Variants in SUGCT observed in about 807,000 individuals in gnomAD.
The protein encoded by SUGCT is succinyl-CoA:glutarate-CoA transferase.
In SUGCT, 41 loss-of-function variants were observed where a neutral mutation model predicts 55.0. That is an observed-to-expected ratio of 0.74 (90% CI 0.58 to 0.97). The LOEUF is 0.97. SUGCT is among the 50% of genes least tolerant of loss of function. The pLI is 0.00. For missense variants in SUGCT, 568 were observed against 547.8 expected, an observed-to-expected ratio of 1.04 and a Z score of -0.37; for synonymous variants, 187 against 200.4, an observed-to-expected ratio of 0.93 and a Z score of 0.56.
At chr7:40,445,140 C>G (rs1788744618) in intron 9 of SUGCT, among the ~76,000 whole-genome samples, 1 of 151,578 alleles carries the variant, frequency 6.6e-6, no homozygotes, top group African/African-American at 2.4e-5. Flanking sequence ...CAAGAAATAA[C>G]TAAGATCAGA....
intron 9 of SUGCT, among the ~76,000 whole-genome samples, chr7:40,390,084 GC>G (rs1785340063): frequency 6.6e-6 from 1 of 152,084 alleles, no homozygotes; most frequent in Non-Finnish European, 1.5e-5. Context: ...AAATTCAACA[GC>G]CCTTCATGCT....
At chr7:40,444,023 A>G (rs1479315261) in intron 9 of SUGCT, among the ~76,000 whole-genome samples, 1 of 152,166 alleles carries the variant, frequency 6.6e-6, no homozygotes, top group Non-Finnish European at 1.5e-5. Context: ...GTCAAAGATC[A>G]GATGGTTGTA....
chr7:41,036,789 C>T, the SUGCT span, among the ~76,000 whole-genome samples: 2 of 152,316 alleles, frequency 1.3e-5, no homozygotes, highest in East Asian at 3.9e-4. Context: ...GCTCTCATAT[C>T]TCTCTCCAAA....
At chr7:40,241,852 A>G (rs966001718) in intron 7 of SUGCT, among the ~76,000 whole-genome samples, 13 of 149,398 alleles carry the variant, frequency 8.7e-5, no homozygotes, top group South Asian at 4.3e-4. Context: ...CCCAGGATGC[A>G]GAGGTTGCAG....
At chr7:40,391,484 G>C (rs1305881013) in intron 9 of SUGCT, among the ~76,000 whole-genome samples, 4 of 152,162 alleles carry the variant, frequency 2.6e-5, no homozygotes, top group African/African-American at 9.7e-5. Flanking sequence ...GATATGAACA[G>C]ACACTTCTCA....
At chr7:40,150,927 T>C (rs2150605623) in intron 1 of SUGCT, among the ~76,000 whole-genome samples, 1 of 152,034 alleles carries the variant, frequency 6.6e-6, no homozygotes, top group Middle Eastern at 3.4e-3. Flanking sequence ...AGAGAAGAGA[T>C]GAAGAGAAAG....
intron 9 of SUGCT, among the ~76,000 whole-genome samples, chr7:40,431,117 CAA>C (rs869159761): frequency 0.24 from 20,506 of 86,424 alleles, 1,432 homozygotes; most frequent in Non-Finnish European, 0.34. Flanking sequence ...GACTTCGTCT[CAA>C]AAAAAAAAAA....
At chr7:40,624,266 C>T (rs1030468976) in intron 12 of SUGCT, among the ~76,000 whole-genome samples, 14 of 152,140 alleles carry the variant, frequency 9.2e-5, no homozygotes, top group African/African-American at 3.4e-4. Flanking sequence ...TCCACCAGGA[C>T]CTTTTTTAGG....
intron 6 of SUGCT, among the ~76,000 whole-genome samples, chr7:40,205,800 T>C (rs903615850): frequency 6.6e-6 from 1 of 152,148 alleles, no homozygotes; most frequent in Non-Finnish European, 1.5e-5. Flanking sequence ...ATTTTTCTGA[T>C]ACTATTGATT....
chr7:40,346,909 T>A (rs918952947), intron 9 of SUGCT, among the ~76,000 whole-genome samples: 37 of 152,318 alleles, frequency 2.4e-4, no homozygotes, highest in Non-Finnish European at 3.2e-4. Flanking sequence ...GGAACGCGAT[T>A]CTCGGACTTG....
At chr7:40,482,132 G>C (rs79657589) in intron 11 of SUGCT, among the ~76,000 whole-genome samples, 2,829 of 152,246 alleles carry the variant, frequency 0.019, 86 homozygotes, top group African/African-American at 0.064. Context: ...GTATAGAGCT[G>C]TATCTGCAAT....
intron 11 of SUGCT, among the ~76,000 whole-genome samples, chr7:40,467,514 G>T (rs971085479): frequency 6.6e-6 from 1 of 152,142 alleles, no homozygotes; most frequent in Non-Finnish European, 1.5e-5. Flanking sequence ...CTACTCTGTT[G>T]TGCTAGCAAA....
At chr7:40,469,457 C>T (rs1790293619) in intron 11 of SUGCT, among the ~76,000 whole-genome samples, 1 of 152,156 alleles carries the variant, frequency 6.6e-6, no homozygotes, top group African/African-American at 2.4e-5. Context: ...GGTACATTTT[C>T]TGAATGTTGG....
intron 12 of SUGCT, among the ~76,000 whole-genome samples, chr7:40,640,930 T>C (rs532548266): frequency 6.6e-6 from 1 of 152,382 alleles, no homozygotes; most frequent in African/African-American, 2.4e-5. Flanking sequence ...GACCTGGGGC[T>C]GGAGATATTT....
At chr7:40,536,095 A>G (rs2151605935) in intron 12 of SUGCT, among the ~76,000 whole-genome samples, 1 of 152,314 alleles carries the variant, frequency 6.6e-6, no homozygotes, top group East Asian at 1.9e-4. Context: ...CATGGTTTGC[A>G]AATATTTTCT....
intron 8 of SUGCT, among the ~76,000 whole-genome samples, chr7:40,294,110 A>G (rs1409475669): frequency 6.6e-6 from 1 of 151,614 alleles, no homozygotes; most frequent in African/African-American, 2.4e-5. Flanking sequence ...ATGGCGCCCC[A>G]CTATTTTTTG....
the SUGCT span, among the ~76,000 whole-genome samples, chr7:40,990,498 T>G: frequency 6.6e-6 from 1 of 152,208 alleles, no homozygotes; most frequent in Admixed American, 6.5e-5. Context: ...AGGACTCTAG[T>G]ATTTTCCGAA....
chr7:40,274,962 C>T (rs1265369907), intron 8 of SUGCT, among the ~76,000 whole-genome samples: 2 of 152,074 alleles, frequency 1.3e-5, no homozygotes, highest in Non-Finnish European at 1.5e-5. Context: ...CCACCACGCC[C>T]GGCTAATTTT....
intron 11 of SUGCT, among the ~76,000 whole-genome samples, chr7:40,467,867 G>A (rs147299814): frequency 6.6e-6 from 1 of 150,904 alleles, no homozygotes; most frequent in East Asian, 1.9e-4. Context: ...TAAATAATTT[G>A]TTCAACTTTT....
Sources: gnomAD v4.1 joint callset for allele counts (sites outside exome capture counted in the v4.1 genomes callset) on GRCh38, gnomAD v4.1.1 for gene constraint, MANE v1.5 for transcripts, NCBI Gene and HGNC (gene_info 2026-07-23, HGNC 2026-07-21) for gene names.